FAM174B: variants seen among roughly 807,000 people sequenced by gnomAD.
The protein encoded by FAM174B is membrane protein FAM174B.
Under a neutral mutation model 10.9 loss-of-function variants are expected in FAM174B, and 12 were observed. The observed-to-expected ratio is 1.10, with a 90% CI of 0.71 to 1.79. The LOEUF (loss-of-function observed/expected upper bound fraction) is 1.79, where lower values mean the gene tolerates loss of function less well. Among genes scored for constraint, FAM174B ranks in the 40% most tolerant of loss-of-function variants. The probability of loss-of-function intolerance (pLI) is 0.00; values close to 1 mark genes in which losing one functional copy is unlikely to be tolerated. For synonymous variants in FAM174B, 132 were observed against 115.8 expected, an observed-to-expected ratio of 1.14 and a Z score of -0.90; for missense variants, 266 against 233.3, an observed-to-expected ratio of 1.14 and a Z score of -0.91.
intron 1 of FAM174B, among the ~76,000 whole-genome samples, chr15:92,643,354 G>GTGTGTGTGTA (rs1176529727): frequency 6.6e-6 from 1 of 151,442 alleles, no homozygotes; most frequent in African/African-American, 2.4e-5. Context: ...ATGTGTGTGT[G>GTGTGTGTGTA]TGTGTGTGTG....
At chr15:92,619,500 G>C (rs763445737) in intron 2 of FAM174B, 41 bp from the exon 3 acceptor site, 1 of 1,606,948 alleles carries the variant, frequency 6.2e-7, no homozygotes, top group Admixed American at 1.7e-5. Flanking sequence ...CCTTCTGGCA[G>C]AGCCTCGCAC....
chr15:92,647,938 G>A (rs1028918023), intron 1 of FAM174B, among the ~76,000 whole-genome samples: 1 of 152,128 alleles, frequency 6.6e-6, no homozygotes, highest in Non-Finnish European at 1.5e-5. Context: ...TACATAACAA[G>A]AACCTTGGTC....
chr15:92,626,515 T>C lies in FAM174B; in HGVS notation c.476+3699A>G, dbSNP rs188831345. On this transcript the variant is annotated intron_variant, in intron 2 of 2. Coordinates refer to ENST00000327355, the MANE Select transcript of FAM174B (RefSeq NM_207446.3). The stretch of plus-strand genomic sequence containing the variant: ...AGTCATGAATCATGAGATGGCGGCT[T>C]GCAGAGAAATCTGTTTTTGACACTG... Among the ~76,000 whole-genome samples, 402 of 152,276 alleles carry C rather than the reference T, an allele frequency of 2.6e-3. 1 individual carries two copies. Among genetic ancestry groups the C allele is most frequent in the Middle Eastern group, 6.8e-3 (2 of 294 alleles).
chr15:92,623,456 A>G (rs1033595314), intron 2 of FAM174B, among the ~76,000 whole-genome samples: 2 of 152,214 alleles, frequency 1.3e-5, no homozygotes, highest in African/African-American at 4.8e-5. Flanking sequence ...GTGAAGGCAT[A>G]TTTAGCTGCC....
chr15:92,631,363 TATATTATATATA>T (rs2050811245), intron 1 of FAM174B, among the ~76,000 whole-genome samples: 1 of 17,652 alleles, frequency 5.7e-5, no homozygotes, highest in Admixed American at 9.8e-4. Flanking sequence ...TATTATATAT[TATATTATATATA>T]ATATATTATA....
At chr15:92,635,585 T>TC (rs1419751127) in intron 1 of FAM174B, among the ~76,000 whole-genome samples, 1 of 149,508 alleles carries the variant, frequency 6.7e-6, no homozygotes, top group East Asian at 1.9e-4. Context: ...CTTTCTTTTT[T>TC]TTTTTTTTTT....
chr15:92,634,383 C>T (rs961494131), intron 1 of FAM174B: 5 of 152,258 alleles, frequency 3.3e-5, no homozygotes, highest in Non-Finnish European at 4.4e-5. Flanking sequence ...TGGGAGAAAG[C>T]TCCGGAGGCT....
In FAM174B at chr15:92,617,659, C is replaced by G. The variant is rs1442073508; in HGVS notation, c.*1797G>C. ...GAAAACCCTGTGTGAGCCAGCAGTTCCAGTTCAAAGGTTGAGGGGGCGAAC... is the reference window on the plus strand; with the variant it reads ...GAAAACCCTGTGTGAGCCAGCAGTTGCAGTTCAAAGGTTGAGGGGGCGAAC... On this transcript the variant is annotated 3_prime_UTR_variant, in exon 3 of 3. Coordinates refer to ENST00000327355, the MANE Select transcript of FAM174B (RefSeq NM_207446.3). The G allele has an allele frequency of 3.0e-6, 2 of 675,008 alleles. No individual in the cohort carries two copies. The highest frequency in any genetic ancestry group is 4.6e-5 in the Admixed American group (2 of 43,738). The allele number at this position is 675,008 out of a possible 1,614,324, so 41.8% of individuals were successfully genotyped here. A position where few individuals can be genotyped will look rare whatever the true frequency, so the allele number is the denominator to read the frequency against.
At position 92,619,068 on chromosome 15, in the gene FAM174B, A is replaced by AG. The variant is rs2050700821; in HGVS notation, c.*387dup. On this transcript the variant is annotated 3_prime_UTR_variant, in exon 3 of 3. Coordinates refer to ENST00000327355, the MANE Select transcript of FAM174B (RefSeq NM_207446.3). ...CTAAATACACAGTTGGACATCCTTC[A>AG]GGCTTGTTTTAGATTCTTGATCCTC... is the stretch of plus-strand genomic sequence containing the variant. 1 of 614,780 alleles carries AG rather than the reference A, an allele frequency of 1.6e-6. No homozygotes were observed. Among genetic ancestry groups the AG allele is most frequent in the Non-Finnish European group, 2.9e-6 (1 of 344,506 alleles). The allele number at this position is 614,780 out of a possible 1,614,324, so 38.1% of individuals were successfully genotyped here.
chr15:92,630,488 A>AT (rs1442714843), intron 1 of FAM174B, 143 bp from the exon 2 acceptor site: 2 of 777,326 alleles, frequency 2.6e-6, no homozygotes, highest in Non-Finnish European at 4.0e-6. Flanking sequence ...TGAGGATCTG[A>AT]TGGAAGGCAA....
chr15:92,636,053 G>A (rs893976751), intron 1 of FAM174B, among the ~76,000 whole-genome samples: 11 of 152,304 alleles, frequency 7.2e-5, no homozygotes, highest in Admixed American at 3.9e-4. Context: ...GAGAGAAAAC[G>A]TGAGAAAATG....
At position 92,617,778 on chromosome 15, in the gene FAM174B, A is replaced by G; in HGVS notation, c.*1678T>C. On this transcript the variant is annotated 3_prime_UTR_variant, in exon 3 of 3. Transcript: ENST00000327355. The stretch of plus-strand genomic sequence containing the variant: ...AAGCAGCCACGGCTGTTCTGTTGCC[A>G]GTCCCACCCCTCTGGCAAACAGATG... The G allele has an allele frequency of 1.8e-6, 1 of 542,176 alleles. No individual in the cohort carries two copies. The highest frequency in any genetic ancestry group is 3.3e-6 in the Non-Finnish European group (1 of 307,274). The allele number at this position is 542,176 out of a possible 1,614,324, so 33.6% of individuals were successfully genotyped here.
At chr15:92,636,627 T>C (rs574930259) in intron 1 of FAM174B, among the ~76,000 whole-genome samples, 6 of 144,046 alleles carry the variant, frequency 4.2e-5, no homozygotes, top group Non-Finnish European at 9.4e-5. Flanking sequence ...GCCGCGGAGA[T>C]AGGCTGCATG....
intron 1 of FAM174B, among the ~76,000 whole-genome samples, chr15:92,640,548 T>C (rs1426761278): frequency 1.9e-5 from 1 of 53,048 alleles, no homozygotes; most frequent in African/African-American, 7.7e-5. Context: ...TGAGACTCCA[T>C]CTCAAAAAAA....
At chr15:92,655,183 G>T (rs766447323) in intron 1 of FAM174B, 133 bp downstream of exon 1, 57 of 1,308,692 alleles carry the variant, frequency 4.4e-5, no homozygotes, top group Non-Finnish European at 5.7e-5. Flanking sequence ...TCCCGGGCAG[G>T]GCAGGAGGCA....
chr15:92,621,501 A>C (rs1377312719), intron 2 of FAM174B, among the ~76,000 whole-genome samples: 1 of 151,774 alleles, frequency 6.6e-6, no homozygotes, highest in African/African-American at 2.4e-5. Flanking sequence ...AGTCCCAGCT[A>C]CCCAAGAGGC....
chr15:92,643,945 C>T (rs1244503538), intron 1 of FAM174B, among the ~76,000 whole-genome samples: 1 of 152,118 alleles, frequency 6.6e-6, no homozygotes, highest in African/African-American at 2.4e-5. Context: ...ACACAGGTGC[C>T]GCCAGTGTAG....
chr15:92,620,382 C>T (rs961420109), intron 2 of FAM174B, among the ~76,000 whole-genome samples: 1 of 152,104 alleles, frequency 6.6e-6, no homozygotes, highest in Non-Finnish European at 1.5e-5. Flanking sequence ...CCTGTAGTCC[C>T]GGCTACTCAG....
rs371907526 is a variant in FAM174B, at chr15:92,652,779, C to T, written c.344+2537G>A. 1.7e-4 allele frequency among the ~76,000 whole-genome samples: 26 copies of T among 152,194 alleles called. No homozygotes were observed. In the East Asian group the frequency reaches 5.0e-3, roughly 29 times the overall value. On this transcript the variant is annotated intron_variant, in intron 1 of 2. Coordinates refer to ENST00000327355, the MANE Select transcript of FAM174B (RefSeq NM_207446.3). ...GACTCAGGTGGTGGAATTTCCAGGA[C>T]TCGGTGCCCGCAGGCTAAGGAGTTG...
Sources: gnomAD v4.1 joint callset for allele counts (sites outside exome capture counted in the v4.1 genomes callset) on GRCh38, gnomAD v4.1.1 for gene constraint, MANE v1.5 for transcripts, NCBI Gene and HGNC (gene_info 2026-07-23, HGNC 2026-07-21) for gene names.